The following KCTD1 variants were observed in gnomAD, a reference collection of about 807,000 sequenced individuals.
KCTD1 encodes the protein potassium channel tetramerization domain containing 1.
In KCTD1, 24 loss-of-function variants were observed where a neutral mutation model predicts 66.0. The ratio of observed to expected loss-of-function variants is 0.36; its 90% CI spans 0.26 to 0.51. The LOEUF (loss-of-function observed/expected upper bound fraction) is 0.51. Among genes scored for constraint, KCTD1 ranks in the 20% least tolerant of loss-of-function variants. The probability of loss-of-function intolerance (pLI) is 0.95; values close to 1 mark genes in which losing one functional copy is unlikely to be tolerated. For missense variants in KCTD1, 943 were observed against 1,205.2 expected, an observed-to-expected ratio of 0.78 and a Z score of 3.22; for synonymous variants, 511 against 517.2, an observed-to-expected ratio of 0.99 and a Z score of 0.16.
intron 2 of KCTD1, among the ~76,000 whole-genome samples, chr18:26,493,995 G>A (rs1455786938): frequency 6.6e-6 from 1 of 152,166 alleles, no homozygotes; most frequent in African/African-American, 2.4e-5. Flanking sequence ...CCTTGCCCAG[G>A]TAAACTATAA....
chr18:26,505,624 A>G (rs1982995751), intron 1 of KCTD1, among the ~76,000 whole-genome samples: 1 of 151,626 alleles, frequency 6.6e-6, no homozygotes, highest in African/African-American at 2.4e-5. Context: ...TGGCGCAATC[A>G]TAGCTCACTA....
At chr18:26,619,535 C>T (rs901481609) in intron 1 of KCTD1, among the ~76,000 whole-genome samples, 3 of 152,104 alleles carry the variant, frequency 2.0e-5, no homozygotes, top group African/African-American at 7.2e-5. Context: ...TTGCTATCAG[C>T]ATGTGGTTTT....
chr18:26,516,895 A>G (rs926920294), intron 1 of KCTD1, among the ~76,000 whole-genome samples: 1 of 152,240 alleles, frequency 6.6e-6, no homozygotes, highest in Non-Finnish European at 1.5e-5. Flanking sequence ...AATGTCAATT[A>G]AAAGAAAAAA....
chr18:26,472,805 G>C (rs577009376), intron 3 of KCTD1, among the ~76,000 whole-genome samples: 3 of 152,356 alleles, frequency 2.0e-5, no homozygotes, highest in South Asian at 2.1e-4. Context: ...CTGCTTTCTA[G>C]AACAGTCCTG....
rs1336400100 is a variant in KCTD1, at chr18:26,547,517, C to G, written c.1020G>C (p.Glu340Asp). The G allele has an allele frequency of 3.2e-6, 5 of 1,551,600 alleles. No homozygotes were observed. The highest frequency in any genetic ancestry group is 2.0e-5 in the Admixed American group (1 of 51,014). Residue 340 changes from glutamate to aspartate, a missense_variant, in exon 1 of 5, where the codon GAG becomes GAC. This residue lies in a region of KCTD1 where 66 missense variants were observed against 61.6 expected (regional missense o/e 1.07). Transcript: ENST00000580059. ...TGAAGTAGACGAACTTGCGACCGTCCTCGTCCATGGCCAGCCCAAAAGAGT... is the reference window on the plus strand; with the variant it reads ...TGAAGTAGACGAACTTGCGACCGTCGTCGTCCATGGCCAGCCCAAAAGAGT... ...EEDSFGLAMD[E>D]DGRKFVYFKS...
At chr18:26,654,369 T>C (rs1429492609) in intron 1 of KCTD1, among the ~76,000 whole-genome samples, 1 of 152,120 alleles carries the variant, frequency 6.6e-6, no homozygotes, top group African/African-American at 2.4e-5. Context: ...TGGCATAATT[T>C]GTACAATGAT....
At chr18:26,607,246 G>T (rs1987037668) in intron 1 of KCTD1, among the ~76,000 whole-genome samples, 1 of 152,160 alleles carries the variant, frequency 6.6e-6, no homozygotes, top group African/African-American at 2.4e-5. Flanking sequence ...GTGTTGCCAA[G>T]GCTGGTAACT....
intron 2 of KCTD1, among the ~76,000 whole-genome samples, chr18:26,497,785 G>A (rs1417285585): frequency 6.6e-6 from 1 of 152,160 alleles, no homozygotes; most frequent in East Asian, 1.9e-4. Flanking sequence ...AAAGAGTCTT[G>A]ACAAATTCTT....
chr18:26,487,131 C>A (rs750343606), intron 2 of KCTD1, among the ~76,000 whole-genome samples: 1 of 152,076 alleles, frequency 6.6e-6, no homozygotes, highest in Non-Finnish European at 1.5e-5. Flanking sequence ...TATCAGTCAA[C>A]GGAATATCTC....
intron 1 of KCTD1, among the ~76,000 whole-genome samples, chr18:26,592,289 T>C (rs1043064436): frequency 1.3e-5 from 2 of 152,262 alleles, no homozygotes; most frequent in African/African-American, 2.4e-5. Flanking sequence ...TTTCAAATTA[T>C]GTAGTTCTTC....
intron 1 of KCTD1, among the ~76,000 whole-genome samples, chr18:26,584,181 C>T (rs1338621485): frequency 6.6e-6 from 1 of 152,198 alleles, no homozygotes; most frequent in Middle Eastern, 3.4e-3. Context: ...TGGCAATACC[C>T]GGAACAGATA....
intron 1 of KCTD1, among the ~76,000 whole-genome samples, chr18:26,524,547 C>A (rs1301484725): frequency 6.6e-6 from 1 of 152,150 alleles, no homozygotes; most frequent in Admixed American, 6.5e-5. Flanking sequence ...TGATATTATT[C>A]ATTCTGTATT....
intron 3 of KCTD1, among the ~76,000 whole-genome samples, chr18:26,465,499 A>T (rs1980678167): frequency 6.6e-6 from 1 of 152,142 alleles, no homozygotes; most frequent in African/African-American, 2.4e-5. Flanking sequence ...ACTGACTCCC[A>T]GCTTCTCCCG....
At chr18:26,584,314 T>C (rs1986423916) in intron 1 of KCTD1, among the ~76,000 whole-genome samples, 1 of 152,190 alleles carries the variant, frequency 6.6e-6, no homozygotes, top group African/African-American at 2.4e-5. Context: ...ATTGGGGGAA[T>C]AAAAGGTAAA....
At chr18:26,558,194 A>G (rs1567993629) in intron 1 of KCTD1, among the ~76,000 whole-genome samples, 1 of 152,270 alleles carries the variant, frequency 6.6e-6, no homozygotes, top group Non-Finnish European at 1.5e-5. Flanking sequence ...AAACAGGCAC[A>G]TGAAAATGTG....
At chr18:26,618,505 C>T (rs977418328) in intron 1 of KCTD1, among the ~76,000 whole-genome samples, 6 of 152,168 alleles carry the variant, frequency 3.9e-5, no homozygotes, top group Non-Finnish European at 5.9e-5. Context: ...TCAGAATAAA[C>T]GATGCCTCTC....
chr18:26,526,717 G>A (rs1335397737), intron 1 of KCTD1, among the ~76,000 whole-genome samples: 2 of 152,164 alleles, frequency 1.3e-5, no homozygotes, highest in African/African-American at 4.8e-5. Flanking sequence ...GTCAACACTT[G>A]AAAATGCTGA....
intron 2 of KCTD1, among the ~76,000 whole-genome samples, chr18:26,492,460 C>G (rs959594687): frequency 6.6e-6 from 1 of 151,880 alleles, no homozygotes; most frequent in Non-Finnish European, 1.5e-5. Context: ...ATGGTGAAAC[C>G]CCGTCTCTAT....
chr18:26,455,131 G>A lies in KCTD1; in HGVS notation c.*612C>T, dbSNP rs1979983158. On this transcript the variant is annotated 3_prime_UTR_variant, in exon 5 of 5. Coordinates refer to ENST00000580059, the MANE Select transcript of KCTD1 (RefSeq NM_001142730.3). The stretch of plus-strand genomic sequence containing the variant: ...AAAACAAAGTAAAGTTCACATCTGT[G>A]AGGTGGACAAAAAAGTGTGACTTCT... The A allele has an allele frequency of 6.6e-6, 1 of 152,570 alleles. No homozygotes were observed. Among genetic ancestry groups the A allele is most frequent in the African/African-American group, 2.4e-5 (1 of 41,454 alleles). 9.5% of individuals were successfully genotyped at this position (152,570 alleles called of 1,614,324 possible).
Sources: gnomAD v4.1 joint callset for allele counts (sites outside exome capture counted in the v4.1 genomes callset) on GRCh38, gnomAD v4.1.1 for gene constraint, gnomAD v4.1.1 regional missense constraint, MANE v1.5 for transcripts, NCBI Gene and HGNC (gene_info 2026-07-23, HGNC 2026-07-21) for gene names.